CFAP44: variants seen among roughly 807,000 people sequenced by gnomAD.
CFAP44 encodes cilia and flagella associated protein 44.
CFAP44 carries 134 observed loss-of-function variants against 216.2 expected under a neutral mutation model. That is an observed-to-expected ratio of 0.62 (90% CI 0.54 to 0.72). The LOEUF is 0.72. CFAP44 is among the 30% of genes least tolerant of loss of function. The pLI, the probability that CFAP44 is intolerant of heterozygous loss-of-function variation, is 0.00. For synonymous variants in CFAP44, 700 were observed against 727.6 expected (o/e 0.96, Z 0.61); for missense variants, 2,035 against 2,182.1 (o/e 0.93, Z 1.34).
chr3:113,437,550 C>T (rs2107422566), intron 1 of CFAP44, among the ~76,000 whole-genome samples: 1 of 152,264 alleles, frequency 6.6e-6, no homozygotes, highest in South Asian at 2.1e-4. Flanking sequence ...ACATTACAAA[C>T]CCAGTTAATG....
rs1935164538 is a variant in CFAP44 at position 113,433,630 on chromosome 3, T to TC, written c.34dup (p.Glu12GlyfsTer9). The TC allele has an allele frequency of 6.2e-7, 1 of 1,613,380 alleles. No homozygotes were observed. The highest frequency in any genetic ancestry group is 1.3e-5 in the African/African-American group (1 of 75,010). ...ATCACTCTTTGATGTAACTGATTTC[T>TC]CCCCATCAGTATCCTGATCATCTGG... is the stretch of plus-strand genomic sequence containing the variant. On this transcript the variant is annotated frameshift_variant, in exon 2 of 35. Coordinates refer to ENST00000393845, the MANE Select transcript of CFAP44 (RefSeq NM_001164496.2). LOFTEE classifies it high-confidence loss of function.
At chr3:113,432,301 T>C (rs1273675629) in intron 2 of CFAP44, 2 of 152,330 alleles carry the variant, frequency 1.3e-5, no homozygotes, top group East Asian at 3.9e-4. Flanking sequence ...AAGTAAACCA[T>C]TTCTGTTCTA....
intron 22 of CFAP44, among the ~76,000 whole-genome samples, chr3:113,352,844 TGG>T (rs1950457631): frequency 1.3e-5 from 2 of 152,192 alleles, no homozygotes; most frequent in Non-Finnish European, 2.9e-5. Context: ...CCTATTAGAT[TGG>T]TAAAGATGAA....
At position 113,427,253 on chromosome 3, in the gene CFAP44, A is replaced by G. The variant is rs1426673826; in HGVS notation, c.187T>C (p.Ser63Pro). Residue 63 changes from serine to proline, a missense_variant, in exon 3 of 35, where the codon TCA (serine) becomes CCA (proline). By Grantham distance (74) the Ser-to-Pro change is moderately conservative. This residue lies in a region of CFAP44 where 149 missense variants were observed against 141.8 expected (regional missense o/e 1.05). Transcript: ENST00000393845. ...KGEGSYLEED[S>P]DEERLEGSLS... ...CTTCCTTCCAAACGTTCCTCATCTG[A>G]GTCTTCTTCTAAATATGATCCTTCC... 3 of 1,613,434 alleles carry G rather than the reference A, an allele frequency of 1.9e-6. No individual in the cohort carries two copies. Among genetic ancestry groups the G allele is most frequent in the Non-Finnish European group, 2.5e-6 (3 of 1,179,818 alleles).
Position 113,288,830 on chromosome 3 carries a change from C to A in CFAP44, c.*2727G>T, listed in dbSNP as rs1248742429. 1 of 152,318 alleles carries A rather than the reference C, an allele frequency of 6.6e-6. No individual in the cohort carries two copies. Among genetic ancestry groups the A allele is most frequent in the East Asian group, 1.9e-4 (1 of 5,202 alleles). The allele number at this position is 152,318 out of a possible 1,614,324, so 9.4% of individuals were successfully genotyped here. A position where few individuals can be genotyped will look rare whatever the true frequency, so the allele number is the denominator to read the frequency against. ...GGCTGGCTGGCAGGCATGAGCAACT[C>A]CTTTACTCTGAAGTTGTGACAGAGG... On this transcript the variant is annotated 3_prime_UTR_variant, in exon 35 of 35. Coordinates refer to ENST00000393845, the MANE Select transcript of CFAP44 (RefSeq NM_001164496.2).
chr3:113,294,801 T>C lies in CFAP44; in HGVS notation c.5259A>G (p.Arg1753=). 6.5e-7 allele frequency: 1 copy of C among 1,534,340 alleles called. No individual in the cohort carries two copies. The highest frequency in any genetic ancestry group is 2.0e-5 in the Admixed American group (1 of 50,468). The stretch of plus-strand genomic sequence containing the variant: ...CTTTTGTCTTCATCATCAGTTCCCA[T>C]CGCATTTGAGCAATCTTTTCCTACC... ...KMWEEKIAQM[R]WELMMKTKEH... Residue 1753 remains arginine, a synonymous_variant, in exon 34 of 35, where the codon CGA becomes CGG. Coordinates refer to ENST00000393845, the MANE Select transcript of CFAP44 (RefSeq NM_001164496.2).
intron 28 of CFAP44, among the ~76,000 whole-genome samples, chr3:113,317,309 G>T (rs760015329): frequency 3.2e-4 from 49 of 152,316 alleles, no homozygotes; most frequent in Non-Finnish European, 5.7e-4. Context: ...GACAGAGAGC[G>T]GCCATAGACA....
In CFAP44 at chr3:113,403,026, T is replaced by C. The variant is rs561539209; in HGVS notation, c.1170+826A>G. Among the ~76,000 whole-genome samples the C allele has an allele frequency of 5.3e-5, 8 of 152,036 alleles. No individual in the cohort carries two copies. The East Asian group carries it at 1.5e-3, about 29-fold the overall frequency. On this transcript the variant is annotated intron_variant, in intron 9 of 34. Transcript: ENST00000393845. ...TGGTAAGAGGACCCACTGTGGGAGA[T>C]ATGGGTTAAACAATATTAAACACAG...
intron 15 of CFAP44, among the ~76,000 whole-genome samples, chr3:113,381,735 T>C: frequency 6.6e-6 from 1 of 152,366 alleles, no homozygotes; most frequent in Middle Eastern, 3.4e-3. Context: ...ATTCATTTGG[T>C]TATTTCATTC....
At chr3:113,416,458 T>C (rs1437491495) in intron 6 of CFAP44, 67 bp downstream of exon 6, 1 of 1,247,662 alleles carries the variant, frequency 8.0e-7, no homozygotes, top group Non-Finnish European at 1.1e-6. Flanking sequence ...TATGAAATAA[T>C]GTCACACCTT....
chr3:113,326,424 A>G (rs1295247940), intron 28 of CFAP44, 21 bp downstream of exon 28: 1 of 1,477,216 alleles, frequency 6.8e-7, no homozygotes, highest in Non-Finnish European at 8.9e-7. Context: ...ATAAGATCAT[A>G]TGCAAGAAAG....
chr3:113,305,003 G>A (rs1337488199), intron 31 of CFAP44, 33 bp downstream of exon 31: 1 of 1,525,184 alleles, frequency 6.6e-7, no homozygotes, highest in Non-Finnish European at 8.8e-7. Context: ...ACTCTTCTCG[G>A]ACAGGATGGA....
chr3:113,326,697 G>T, intron 27 of CFAP44, 57 bp from the exon 28 acceptor site: 1 of 1,113,018 alleles, frequency 9.0e-7, no homozygotes, highest in Non-Finnish European at 1.2e-6. Context: ...CAAGTTCAGA[G>T]AGCAATGTAC....
In CFAP44 at chr3:113,303,898, G is replaced by A; in HGVS notation, c.5077+18C>T. The A allele has an allele frequency of 6.5e-7, 1 of 1,536,914 alleles. No individual in the cohort carries two copies. The highest frequency in any genetic ancestry group is 8.7e-7 in the Non-Finnish European group (1 of 1,146,588). On this transcript the variant is annotated intron_variant, in intron 32 of 34. Coordinates refer to ENST00000393845, the MANE Select transcript of CFAP44 (RefSeq NM_001164496.2). ...ACCAATAAACCTTACTAGCAAGGCT[G>A]TGGGCTTAGATACTCACTGTGTATG...
chr3:113,395,782 C>T lies in CFAP44; in HGVS notation c.1858G>A (p.Val620Met). Residue 620 changes from valine (V) to methionine (M), a missense_variant, in exon 15 of 35, where the codon GTG becomes ATG. Val to Met is a conservative substitution (Grantham distance 21). Around this residue, in one of 3 missense-constraint regions of CFAP44, gnomAD observed 1,883 missense variants for 2,023.7 expected, o/e 0.93. Coordinates refer to ENST00000393845, the MANE Select transcript of CFAP44 (RefSeq NM_001164496.2). ...ATGGGAGACCACATTAACTGACACACAGGTCCAGGAGTATTAATATAACCA... is the reference window on the plus strand; with the variant it reads ...ATGGGAGACCACATTAACTGACACATAGGTCCAGGAGTATTAATATAACCA... ...PIGYINTPGP[V>M]CQLMWSPMSH... 1 of 1,612,860 alleles carries T rather than the reference C, an allele frequency of 6.2e-7. No homozygotes were observed. Among genetic ancestry groups the T allele is most frequent in the Non-Finnish European group, 8.5e-7 (1 of 1,179,590 alleles).
chr3:113,433,960 C>A, intron 1 of CFAP44: 1 of 255,630 alleles, frequency 3.9e-6, no homozygotes. Flanking sequence ...TCCCCAGATG[C>A]TTCACCATTA....
chr3:113,335,277 A>G (rs2107814443), intron 24 of CFAP44, among the ~76,000 whole-genome samples: 1 of 152,370 alleles, frequency 6.6e-6, no homozygotes, highest in East Asian at 1.9e-4. Flanking sequence ...GATCCTTATT[A>G]TCTCCTGGCT....
At chr3:113,423,337 ACTCCTGAGCTCAAGTGATCTGGCTGC>A (rs1179649958) in intron 4 of CFAP44, among the ~76,000 whole-genome samples, 4 of 151,180 alleles carry the variant, frequency 2.6e-5, no homozygotes, top group Non-Finnish European at 2.9e-5. Context: ...CTGGTCTCGC[ACTCCTGAGCTCAAGTGATCTGGCTGC>A]CTCCTGAGCT....
In CFAP44 at chr3:113,308,181, A is replaced by C. The variant is rs1348987012; in HGVS notation, c.4604T>G (p.Phe1535Cys). The C allele has an allele frequency of 6.5e-7, 1 of 1,534,256 alleles. No homozygotes were observed. Among genetic ancestry groups the C allele is most frequent in the Admixed American group, 2.0e-5 (1 of 50,214 alleles). ...EDESESEDEVFDDSICPTNCD... is the reference protein window; with the variant it reads ...EDESESEDEVCDDSICPTNCD... Reference sequence around the variant, plus strand: ...ACTTGTTGGGCAAATAGAATCATCAAAAACCTCATCTTCTGATTCAGACTC... The same window carrying C: ...ACTTGTTGGGCAAATAGAATCATCACAAACCTCATCTTCTGATTCAGACTC... Residue 1535 changes from phenylalanine (F) to cysteine (C), a missense_variant, in exon 29 of 35, where the codon TTT (phenylalanine) becomes TGT (cysteine). By Grantham distance (205) the Phe-to-Cys change is radical. Coordinates refer to ENST00000393845, the MANE Select transcript of CFAP44 (RefSeq NM_001164496.2).
Sources: allele counts gnomAD v4.1 joint callset (sites outside exome capture counted in the v4.1 genomes callset), GRCh38; gene constraint gnomAD v4.1.1; regional missense constraint gnomAD v4.1.1; transcripts MANE v1.5; gene names NCBI Gene and HGNC (gene_info 2026-07-23, HGNC 2026-07-21).